The following PCDHGA1 variants were observed in gnomAD, a reference collection of about 807,000 sequenced individuals.
The protein encoded by PCDHGA1 is protocadherin gamma-A1.
Under a neutral mutation model 58.0 loss-of-function variants are expected in PCDHGA1, and 32 were observed. The observed-to-expected ratio is 0.55, with a 90% CI of 0.42 to 0.74. PCDHGA1 has a LOEUF of 0.74. Ranked by LOEUF, PCDHGA1 falls within the 30% of genes least tolerant of loss-of-function variation. The pLI is 0.00. For synonymous variants in PCDHGA1, 498 were observed against 501.1 expected (o/e 0.99, Z 0.08); for missense variants, 1,205 against 1,182.3 (o/e 1.02, Z -0.28).
intron 1 of PCDHGA1, chr5:141,365,767 C>T (rs775369116): frequency 2.5e-6 from 4 of 1,613,718 alleles, no homozygotes; most frequent in Non-Finnish European, 2.5e-6. Flanking sequence ...CCCATGACCC[C>T]GACAGCGGCG....
intron 1 of PCDHGA1, among the ~76,000 whole-genome samples, chr5:141,368,153 C>T (rs1012030751): frequency 2.6e-5 from 4 of 152,064 alleles, no homozygotes; most frequent in Non-Finnish European, 4.4e-5. Context: ...ACTTTTAAAA[C>T]CTTGAGCATC....
chr5:141,484,949 A>C, intron 1 of PCDHGA1: 1 of 557,400 alleles, frequency 1.8e-6, no homozygotes, highest in Non-Finnish European at 3.2e-6. Context: ...TGCTCAGCCT[A>C]TTGGCTGAGC....
intron 1 of PCDHGA1, among the ~76,000 whole-genome samples, chr5:141,450,259 C>A (rs1243327669): frequency 6.6e-6 from 1 of 152,118 alleles, no homozygotes; most frequent in East Asian, 1.9e-4. Context: ...CTCAAGTGAT[C>A]TGCCCACCTC....
At chr5:141,410,425 C>G (rs779212749) in intron 1 of PCDHGA1, 1 of 1,614,030 alleles carries the variant, frequency 6.2e-7, no homozygotes, top group South Asian at 1.1e-5. Flanking sequence ...TAGTTCCCCC[C>G]AACTACAGTG....
chr5:141,494,985 C>A, intron 2 of PCDHGA1, 120 bp downstream of exon 2: 1 of 1,559,680 alleles, frequency 6.4e-7, no homozygotes. Context: ...AGTTTGAGAT[C>A]CCAGGGAGGT....
intron 1 of PCDHGA1, chr5:141,361,508 T>C: frequency 1.9e-6 from 3 of 1,614,028 alleles, no homozygotes; most frequent in East Asian, 4.5e-5. Context: ...ACTTCCTACA[T>C]GGTTCACGTG....
chr5:141,354,050 G>A lies in PCDHGA1; in HGVS notation c.2421+20945G>A, dbSNP rs183726749. On this transcript the variant is annotated intron_variant, in intron 1 of 3. Transcript: ENST00000517417. Reference sequence around the variant, plus strand: ...GAAAGAAAGCGATGGCACATGCAATGATAATCCATGTTCGGCTACCAAAAC... The same window carrying A: ...GAAAGAAAGCGATGGCACATGCAATAATAATCCATGTTCGGCTACCAAAAC... 1.9e-3 allele frequency among the ~76,000 whole-genome samples: 287 copies of A among 152,336 alleles called. 2 individuals carry two copies. Among genetic ancestry groups the A allele is most frequent in the South Asian group, 2.3e-3 (11 of 4,832 alleles).
At chr5:141,365,379 CCT>C in intron 1 of PCDHGA1, 5 of 1,613,964 alleles carry the variant, frequency 3.1e-6, no homozygotes, top group Non-Finnish European at 4.2e-6. Context: ...GTGATCCTCA[CCT>C]CTCTGACCAG....
intron 1 of PCDHGA1, chr5:141,403,131 C>T: frequency 5.6e-6 from 9 of 1,614,034 alleles, no homozygotes; most frequent in Non-Finnish European, 6.8e-6. Context: ...CGGGAGCTGG[C>T]GGAGCGCCGA....
intron 1 of PCDHGA1, chr5:141,357,225 G>A: frequency 1.9e-6 from 3 of 1,613,814 alleles, no homozygotes; most frequent in Non-Finnish European, 2.5e-6. Context: ...TGGCTGACTT[G>A]GGCAGCCTCA....
chr5:141,351,985 A>C (rs1466347143), intron 1 of PCDHGA1: 3 of 1,611,418 alleles, frequency 1.9e-6, no homozygotes, highest in Non-Finnish European at 2.5e-6. Flanking sequence ...ATATGGTGCC[A>C]CGCGCCGCAG....
intron 3 of PCDHGA1, among the ~76,000 whole-genome samples, chr5:141,507,891 C>A (rs1031803854): frequency 6.6e-6 from 1 of 152,208 alleles, no homozygotes; most frequent in African/African-American, 2.4e-5. Flanking sequence ...AGAGAGGTTC[C>A]TGAAGTCCAG....
chr5:141,428,111 C>G (rs760446304), intron 1 of PCDHGA1: 2 of 1,607,622 alleles, frequency 1.2e-6, no homozygotes, highest in Non-Finnish European at 1.7e-6. Context: ...TGCTGCAGGC[C>G]ATCGAGCCCG....
intron 1 of PCDHGA1, among the ~76,000 whole-genome samples, chr5:141,443,082 C>A (rs958408385): frequency 6.6e-6 from 1 of 151,624 alleles, no homozygotes; most frequent in African/African-American, 2.4e-5. Flanking sequence ...ACTGAGTGTT[C>A]CAGTCTCCTT....
chr5:141,413,190 G>A (rs965319802), intron 1 of PCDHGA1: 11 of 1,607,556 alleles, frequency 6.8e-6, no homozygotes, highest in East Asian at 2.2e-5. Flanking sequence ...CCGCTCAAAG[G>A]AATCGCTCAA....
intron 1 of PCDHGA1, chr5:141,385,778 T>C (rs2150299874): frequency 6.2e-6 from 1 of 161,798 alleles, no homozygotes; most frequent in East Asian, 1.9e-4. Context: ...TGCCTCCATG[T>C]ACCTCAGCTT....
At chr5:141,413,035 C>A (rs1481573261) in intron 1 of PCDHGA1, 2 of 800,134 alleles carry the variant, frequency 2.5e-6, no homozygotes, top group African/African-American at 1.7e-5. Context: ...AAACCGGCTG[C>A]TGGGCTGCAG....
In PCDHGA1 at chr5:141,343,994, CTG is replaced by C. The variant is rs761273948; in HGVS notation, c.2421+10890_2421+10891del. ...TAAGATTGGAGTCCGTCGTAGGAAA[CTG>C]GAACCGAATTCAGAGAAAGCGATTC... On this transcript the variant is annotated intron_variant, in intron 1 of 3. Coordinates refer to ENST00000517417, the MANE Select transcript of PCDHGA1 (RefSeq NM_018912.3). 1.6e-5 allele frequency: 23 copies of C among 1,483,630 alleles called. No homozygotes were observed. In the South Asian group the frequency reaches 3.3e-4, roughly 21 times the overall value. The allele number at this position is 1,483,630 out of a possible 1,614,324, so 91.9% of individuals were successfully genotyped here.
At chr5:141,420,064 C>T (rs1204112062) in intron 1 of PCDHGA1, 1 of 1,614,052 alleles carries the variant, frequency 6.2e-7, no homozygotes, top group Non-Finnish European at 8.5e-7. Context: ...GCTCCAAGTC[C>T]GGACCTGTGG....
Sources: gnomAD v4.1 joint callset for allele counts (sites outside exome capture counted in the v4.1 genomes callset) on GRCh38, gnomAD v4.1.1 for gene constraint, MANE v1.5 for transcripts, NCBI Gene and HGNC (gene_info 2026-07-23, HGNC 2026-07-21) for gene names.